KLF12: variants seen among roughly 807,000 people sequenced by gnomAD.
The protein encoded by KLF12 is KLF transcription factor 12.
Under a neutral mutation model 37.8 loss-of-function variants are expected in KLF12, and 9 were observed. The ratio of observed to expected loss-of-function variants is 0.24; its 90% CI spans 0.14 to 0.42. KLF12 has a LOEUF of 0.42. Among genes scored for constraint, KLF12 ranks in the 10% least tolerant of loss-of-function variants. KLF12 has a pLI of 1.00. For missense variants in KLF12, 411 were observed against 516.0 expected, an observed-to-expected ratio of 0.80 and a Z score of 1.97; for synonymous variants, 208 against 202.1, an observed-to-expected ratio of 1.03 and a Z score of -0.25.
the KLF12 span, among the ~76,000 whole-genome samples, chr13:74,203,607 G>A: frequency 6.6e-6 from 1 of 152,130 alleles, no homozygotes; most frequent in East Asian, 1.9e-4. Flanking sequence ...GACACATTAT[G>A]ATGCTATGCA....
intron 3 of KLF12, among the ~76,000 whole-genome samples, chr13:73,879,625 C>T (rs915753456): frequency 6.6e-6 from 1 of 152,198 alleles, no homozygotes; most frequent in Non-Finnish European, 1.5e-5. Context: ...CTACATCATG[C>T]CTTGCAGATC....
At chr13:74,149,018 T>A in the KLF12 span, among the ~76,000 whole-genome samples, 8 of 152,178 alleles carry the variant, frequency 5.3e-5, no homozygotes, top group Non-Finnish European at 1.0e-4. Context: ...TTTCAGTATG[T>A]TGGCCAGGCT....
chr13:73,740,241 C>T (rs1199875550), intron 6 of KLF12, among the ~76,000 whole-genome samples: 1 of 152,218 alleles, frequency 6.6e-6, no homozygotes, highest in Non-Finnish European at 1.5e-5. Context: ...AGCTGCCTTG[C>T]TCCTTCTACC....
chr13:74,050,846 T>C (rs776127869), intron 1 of KLF12, among the ~76,000 whole-genome samples: 37 of 151,844 alleles, frequency 2.4e-4, no homozygotes, highest in Non-Finnish European at 4.3e-4. Flanking sequence ...ATCCAAAATA[T>C]AAAAGGAACT....
intron 3 of KLF12, among the ~76,000 whole-genome samples, chr13:73,880,172 G>A (rs1291779670): frequency 2.0e-5 from 3 of 152,042 alleles, no homozygotes; most frequent in African/African-American, 7.2e-5. Context: ...ACCTGCTCAT[G>A]AATACTTGGA....
chr13:73,968,050 G>A (rs1452613623), intron 2 of KLF12, among the ~76,000 whole-genome samples: 1 of 152,124 alleles, frequency 6.6e-6, no homozygotes, highest in African/African-American at 2.4e-5. Context: ...AAAGAACACT[G>A]AACTTAGAGT....
At chr13:73,899,167 A>C (rs1006905910) in intron 3 of KLF12, among the ~76,000 whole-genome samples, 4 of 152,210 alleles carry the variant, frequency 2.6e-5, no homozygotes, top group Non-Finnish European at 4.4e-5. Flanking sequence ...CTGAACACAA[A>C]CACAGCTGCC....
At chr13:74,118,128 AT>A (rs1877419024) in intron 1 of KLF12, among the ~76,000 whole-genome samples, 2 of 152,164 alleles carry the variant, frequency 1.3e-5, no homozygotes, top group African/African-American at 4.8e-5. Context: ...AGACAAATAT[AT>A]TAAAGTATTT....
chr13:73,816,588 C>T (rs1216384222), intron 4 of KLF12, among the ~76,000 whole-genome samples: 2 of 152,200 alleles, frequency 1.3e-5, no homozygotes, highest in Admixed American at 6.5e-5. Flanking sequence ...CAAATACTCT[C>T]CTATGGTAGA....
At chr13:74,200,905 G>A in the KLF12 span, among the ~76,000 whole-genome samples, 2 of 151,968 alleles carry the variant, frequency 1.3e-5, no homozygotes, top group African/African-American at 4.8e-5. Context: ...TTCCCTTTTG[G>A]TTCTGGAGCC....
intron 6 of KLF12, among the ~76,000 whole-genome samples, chr13:73,727,981 G>A (rs913348189): frequency 5.9e-5 from 9 of 152,360 alleles, no homozygotes; most frequent in African/African-American, 1.9e-4. Context: ...ACAGGCGTGT[G>A]CCGCCGTGGC....
intron 6 of KLF12, among the ~76,000 whole-genome samples, chr13:73,742,191 A>T (rs2137898405): frequency 6.6e-6 from 1 of 152,344 alleles, no homozygotes; most frequent in East Asian, 1.9e-4. Context: ...GCTTATTTAC[A>T]TTTTAGATTC....
intron 1 of KLF12, among the ~76,000 whole-genome samples, chr13:74,043,836 A>T (rs140465535): frequency 8.5e-5 from 13 of 152,346 alleles, no homozygotes; most frequent in African/African-American, 2.9e-4. Context: ...GGTTGAAAGA[A>T]GAGTGGGAGA....
the KLF12 span, among the ~76,000 whole-genome samples, chr13:74,211,354 G>T: frequency 1.3e-5 from 2 of 152,112 alleles, no homozygotes; most frequent in Non-Finnish European, 2.9e-5. Context: ...CCATCAGGTC[G>T]GGGTAAGGAG....
upstream of KLF12, among the ~76,000 whole-genome samples, chr13:74,137,830 G>A (rs1028994106): frequency 2.0e-5 from 3 of 151,958 alleles, no homozygotes; most frequent in African/African-American, 4.8e-5. Context: ...GCGCGATTTC[G>A]GCTCACTGCA....
chr13:74,244,885 T>G, the KLF12 span, among the ~76,000 whole-genome samples: 12 of 152,202 alleles, frequency 7.9e-5, no homozygotes, highest in Non-Finnish European at 1.6e-4. Context: ...GAGAAGCACT[T>G]TTTGGTAATA....
intron 7 of KLF12, among the ~76,000 whole-genome samples, chr13:73,713,066 T>TA (rs1424970096): frequency 6.6e-6 from 1 of 152,124 alleles, no homozygotes; most frequent in African/African-American, 2.4e-5. Context: ...TATGAAAACT[T>TA]AAAAAGACAC....
intron 2 of KLF12, among the ~76,000 whole-genome samples, chr13:73,993,300 T>C (rs1184658418): frequency 2.6e-5 from 4 of 152,220 alleles, no homozygotes; most frequent in African/African-American, 9.7e-5. Context: ...AATTCATGAA[T>C]TATGAGCTAT....
At chr13:74,117,022 A>C (rs1182258191) in intron 1 of KLF12, among the ~76,000 whole-genome samples, 2 of 151,996 alleles carry the variant, frequency 1.3e-5, no homozygotes, top group Non-Finnish European at 2.9e-5. Context: ...CCAGTCAATT[A>C]GCCAAAATAA....
Sources: gnomAD v4.1 joint callset for allele counts (sites outside exome capture counted in the v4.1 genomes callset) on GRCh38, gnomAD v4.1.1 for gene constraint, MANE v1.5 for transcripts, NCBI Gene and HGNC (gene_info 2026-07-23, HGNC 2026-07-21) for gene names.